Variants in MCAM observed in about 807,000 individuals in gnomAD.
The protein encoded by MCAM is cell surface glycoprotein MUC18.
MCAM carries 55 observed loss-of-function variants against 79.1 expected under a neutral mutation model. The ratio of observed to expected loss-of-function variants is 0.70; its 90% CI spans 0.56 to 0.87. The LOEUF (loss-of-function observed/expected upper bound fraction) is 0.87. Ranked by LOEUF, MCAM falls within the 40% of genes least tolerant of loss-of-function variation. MCAM has a pLI of 0.00. For synonymous variants in MCAM, 330 were observed against 339.8 expected (o/e 0.97, Z 0.32); for missense variants, 745 against 839.8 (o/e 0.89, Z 1.40).
Position 119,315,265 on chromosome 11 carries a change from TG to T in MCAM, c.68-3del. On this transcript the variant is annotated splice_polypyrimidine_tract_variant and splice_region_variant and intron_variant, in intron 1 of 15. Coordinates refer to ENST00000264036, the MANE Select transcript of MCAM (RefSeq NM_006500.3). The surrounding 1 kb of genome is among the most constrained non-coding windows in gnomAD (Gnocchi z 4.4). Reference sequence around the variant, plus strand: ...GCTGCTCAGCCTCTCCGGGCACACCTGGGGGAGGGAGGCGGGGCCCCCGCAG... The same window carrying T: ...GCTGCTCAGCCTCTCCGGGCACACCTGGGGAGGGAGGCGGGGCCCCCGCAG... 2 of 1,607,280 alleles carry T rather than the reference TG, an allele frequency of 1.2e-6. No homozygotes were observed. The highest frequency in any genetic ancestry group is 1.7e-6 in the Non-Finnish European group (2 of 1,178,828).
At chr11:119,310,314 T>C (rs1950211668) in intron 15 of MCAM, 35 bp downstream of exon 15, 1 of 1,349,258 alleles carries the variant, frequency 7.4e-7, no homozygotes, top group Non-Finnish European at 1.1e-6. Flanking sequence ...TCCCTGAGGA[T>C]GTGGCAGGCT....
chr11:119,314,198 C>T (rs1009017054), intron 5 of MCAM: 1 of 466,778 alleles, frequency 2.1e-6, no homozygotes, highest in African/African-American at 2.0e-5. Flanking sequence ...CTCTGTCACC[C>T]AGGCCGGAGT....
chr11:119,315,436 C>T lies in MCAM; in HGVS notation c.68-173G>A. The T allele has an allele frequency of 1.3e-6, 1 of 751,210 alleles. No individual in the cohort carries two copies. The allele number at this position is 751,210 out of a possible 1,614,324, so 46.5% of individuals were successfully genotyped here. ...CCCGCGCCCCACCTGGGCCAGCCCT[C>T]TCCCCGTCCAGGAGATCCCAGGTCC... On this transcript the variant is annotated intron_variant, in intron 1 of 15. Coordinates refer to ENST00000264036, the MANE Select transcript of MCAM (RefSeq NM_006500.3). The surrounding 1 kb of genome is among the most constrained non-coding windows in gnomAD (Gnocchi z 4.4).
rs544584284 is a variant in MCAM at position 119,311,666 on chromosome 11, G to A, written c.1286-15C>T. 6.2e-7 allele frequency: 1 copy of A among 1,613,832 alleles called. No individual in the cohort carries two copies. The highest frequency in any genetic ancestry group is 1.7e-5 in the Admixed American group (1 of 60,004). Reference sequence around the variant, plus strand: ...CCAAGGGGGGCCTTGGGGAGGTAGGGAGAGGTGAGGTGGCAAGCCCAGCTA... The same window carrying A: ...CCAAGGGGGGCCTTGGGGAGGTAGGAAGAGGTGAGGTGGCAAGCCCAGCTA... On this transcript the variant is annotated splice_polypyrimidine_tract_variant and intron_variant, in intron 10 of 15. Transcript: ENST00000264036. The surrounding 1 kb of genome is among the most constrained non-coding windows in gnomAD (Gnocchi z 4.4).
Position 119,312,290 on chromosome 11 carries a change from C to T in MCAM, c.1000G>A (p.Glu334Lys), listed in dbSNP as rs748225145. 4 of 1,614,130 alleles carry T rather than the reference C, an allele frequency of 2.5e-6. No homozygotes were observed. The South Asian group carries it at 4.4e-5, about 18-fold the overall frequency. Residue 334 changes from glutamate to lysine, a missense_variant, in exon 8 of 16, where the codon GAA becomes AAA. Physicochemically the swap from Glu to Lys is moderately conservative, Grantham distance 56. Coordinates refer to ENST00000264036, the MANE Select transcript of MCAM (RefSeq NM_006500.3). This position sits in a 1 kb window ranked among gnomAD's most constrained non-coding sequence, Gnocchi z 4.9. ...CAGTTCACCAGTAGTTCCTGTGGTT[C>T]ACTCAGCAGCGATATCATGGTGTCC... is the stretch of plus-strand genomic sequence containing the variant. ...DLDTMISLLS[E>K]PQELLVNYVS...
At position 119,316,242 on chromosome 11, in the gene MCAM, C is replaced by G. The variant is rs1413499565; in HGVS notation, c.67+793G>C. 3 of 152,314 alleles carry G rather than the reference C, an allele frequency of 2.0e-5. No individual in the cohort carries two copies. The highest frequency in any genetic ancestry group is 2.0e-4 in the Admixed American group (3 of 15,294). 9.4% of individuals were successfully genotyped at this position (152,314 alleles called of 1,614,324 possible). On this transcript the variant is annotated intron_variant, in intron 1 of 15. Transcript: ENST00000264036. This position sits in a 1 kb window ranked among gnomAD's most constrained non-coding sequence, Gnocchi z 4.8. ...CTAGCCCTCCCCTTCCCCAGCCGGA[C>G]AGCGGCTGGGACGGCGGAATGGGAG... is the stretch of plus-strand genomic sequence containing the variant.
chr11:119,314,961 C>T lies in MCAM; in HGVS notation c.272G>A (p.Arg91Gln). ...GQSEPGEYEQ[R>Q]LSLQDRGATL... ...AGCCCCTCTGTCCTGGAGGCTGAGC[C>T]GCTGCTCGTACTCCCCAGGTTCGCT... Residue 91 changes from arginine to glutamine, a missense_variant, in exon 3 of 16, where the codon CGG (arginine) becomes CAG (glutamine). Coordinates refer to ENST00000264036, the MANE Select transcript of MCAM (RefSeq NM_006500.3). 1 of 1,612,260 alleles carries T rather than the reference C, an allele frequency of 6.2e-7. No individual in the cohort carries two copies. The highest frequency in any genetic ancestry group is 1.3e-5 in the African/African-American group (1 of 75,040).
In MCAM at chr11:119,309,664, C is replaced by A; in HGVS notation, c.*222G>T. On this transcript the variant is annotated 3_prime_UTR_variant, in exon 16 of 16. Coordinates refer to ENST00000264036, the MANE Select transcript of MCAM (RefSeq NM_006500.3). Reference sequence around the variant, plus strand: ...GGCTCCTTGCTTGGGATGAGCTTCACTCAACGTGGAGGAGATGGTGGTGGA... The same window carrying A: ...GGCTCCTTGCTTGGGATGAGCTTCAATCAACGTGGAGGAGATGGTGGTGGA... 1 of 472,294 alleles carries A rather than the reference C, an allele frequency of 2.1e-6. No homozygotes were observed. The highest frequency in any genetic ancestry group is 3.6e-6 in the Non-Finnish European group (1 of 280,086). The allele number at this position is 472,294 out of a possible 1,614,324, so 29.3% of individuals were successfully genotyped here.
At chr11:119,313,389 A>C (rs1266802169) in intron 5 of MCAM, 1 of 1,151,976 alleles carries the variant, frequency 8.7e-7, no homozygotes. Flanking sequence ...TCTCAGCACT[A>C]CTGATAATTT....
intron 15 of MCAM, chr11:119,310,125 A>G (rs1226265759): frequency 6.4e-6 from 4 of 625,346 alleles, no homozygotes; most frequent in Admixed American, 5.5e-5. Context: ...AGCCACGGGC[A>G]TTGGTCAGGA....
In MCAM at chr11:119,315,381, T is replaced by C; in HGVS notation, c.68-118A>G. On this transcript the variant is annotated intron_variant, in intron 1 of 15. Coordinates refer to ENST00000264036, the MANE Select transcript of MCAM (RefSeq NM_006500.3). The surrounding 1 kb of genome is among the most constrained non-coding windows in gnomAD (Gnocchi z 4.4). ...CACTCAGAGGGTCTGCAGAGGGCCC[T>C]GTCCTCTGAACGCTCTACCCCCACC... 2 of 1,316,700 alleles carry C rather than the reference T, an allele frequency of 1.5e-6. No individual in the cohort carries two copies. The highest frequency in any genetic ancestry group is 1.4e-5 in the South Asian group (1 of 71,496). The allele number at this position is 1,316,700 out of a possible 1,614,324, so 81.6% of individuals were successfully genotyped here. A position where few individuals can be genotyped will look rare whatever the true frequency, so the allele number is the denominator to read the frequency against.
At position 119,311,969 on chromosome 11, in the gene MCAM, A is replaced by T; in HGVS notation, c.1144-20T>A. 1 of 1,613,136 alleles carries T rather than the reference A, an allele frequency of 6.2e-7. No individual in the cohort carries two copies. The highest frequency in any genetic ancestry group is 2.2e-5 in the East Asian group (1 of 44,872). On this transcript the variant is annotated intron_variant, in intron 9 of 15. Coordinates refer to ENST00000264036, the MANE Select transcript of MCAM (RefSeq NM_006500.3). This position sits in a 1 kb window ranked among gnomAD's most constrained non-coding sequence, Gnocchi z 4.4. ...GCCTGTCTGGGATGAGAGATGGGTCAGAGGGTCTGGGAAAGAGCACATTCT... is the reference window on the plus strand; with the variant it reads ...GCCTGTCTGGGATGAGAGATGGGTCTGAGGGTCTGGGAAAGAGCACATTCT...
Position 119,312,705 on chromosome 11 carries a change from G to T in MCAM, c.740-57C>A. On this transcript the variant is annotated intron_variant, in intron 6 of 15. Transcript: ENST00000264036. The surrounding 1 kb of genome is among the most constrained non-coding windows in gnomAD (Gnocchi z 4.9). ...ATGAGTCAACCCTGGGCTGGATAAG[G>T]GGGAGCCAGCAGGAGTTTCCAGCAG... 1 of 1,613,660 alleles carries T rather than the reference G, an allele frequency of 6.2e-7. No individual in the cohort carries two copies. Among genetic ancestry groups the T allele is most frequent in the Non-Finnish European group, 8.5e-7 (1 of 1,179,654 alleles).
At position 119,317,015 on chromosome 11, in the gene MCAM, C is replaced by T; in HGVS notation, c.67+20G>A. 6.5e-7 allele frequency: 1 copy of T among 1,527,320 alleles called. No individual in the cohort carries two copies. The highest frequency in any genetic ancestry group is 8.8e-7 in the Non-Finnish European group (1 of 1,141,744). The allele number at this position is 1,527,320 out of a possible 1,614,324, so 94.6% of individuals were successfully genotyped here. Reference sequence around the variant, plus strand: ...CGCAGACCCCTAGCCGGGGCGCGGCCCCCCTGCGAGCGAACTCACCCGCGA... The same window carrying T: ...CGCAGACCCCTAGCCGGGGCGCGGCTCCCCTGCGAGCGAACTCACCCGCGA... On this transcript the variant is annotated intron_variant, in intron 1 of 15. Transcript: ENST00000264036. The surrounding 1 kb of genome is among the most constrained non-coding windows in gnomAD (Gnocchi z 6.2).
At position 119,316,923 on chromosome 11, in the gene MCAM, C is replaced by A; in HGVS notation, c.67+112G>T. 1 of 885,264 alleles carries A rather than the reference C, an allele frequency of 1.1e-6. No homozygotes were observed. Among genetic ancestry groups the A allele is most frequent in the South Asian group, 1.7e-5 (1 of 58,562 alleles). The allele number at this position is 885,264 out of a possible 1,614,324, so 54.8% of individuals were successfully genotyped here. ...GGGGATCGGGGACCCAGGGAGGAGGCTCGTCCTCCCAGACGCAACGCCCCG... is the reference window on the plus strand; with the variant it reads ...GGGGATCGGGGACCCAGGGAGGAGGATCGTCCTCCCAGACGCAACGCCCCG... On this transcript the variant is annotated intron_variant, in intron 1 of 15. Transcript: ENST00000264036. This position sits in a 1 kb window ranked among gnomAD's most constrained non-coding sequence, Gnocchi z 4.8.
Position 119,310,402 on chromosome 11 carries a change from C to T in MCAM, c.1858G>A (p.Glu620Lys), listed in dbSNP as rs1407229378. The T allele has an allele frequency of 1.5e-5, 25 of 1,614,046 alleles. No homozygotes were observed. Among genetic ancestry groups the T allele is most frequent in the Non-Finnish European group, 1.9e-5 (23 of 1,180,006 alleles). The change falls in exon 15 of 16, where the codon GAG becomes AAG. Residue 620 changes from glutamate (E) to lysine (K), a missense_variant. Coordinates refer to ENST00000264036, the MANE Select transcript of MCAM (RefSeq NM_006500.3). ...VEVKSDKLPEEMGLLQGSSGD... is the reference protein window; with the variant it reads ...VEVKSDKLPEKMGLLQGSSGD... ...CTGCTGCCCTGCAGGAGGCCCATCT[C>T]TTCTGGGAGCTTATCTGACTTAACT... is the stretch of plus-strand genomic sequence containing the variant.
At position 119,316,829 on chromosome 11, in the gene MCAM, T is replaced by G. The variant is rs958820476; in HGVS notation, c.67+206A>C. Reference sequence around the variant, plus strand: ...CTCCTCCCCGCCTTCCGAGTGCTGCTCCCGGGATACTCTAGAATCCCGGCT... The same window carrying G: ...CTCCTCCCCGCCTTCCGAGTGCTGCGCCCGGGATACTCTAGAATCCCGGCT... On this transcript the variant is annotated intron_variant, in intron 1 of 15. Transcript: ENST00000264036. The surrounding 1 kb of genome is among the most constrained non-coding windows in gnomAD (Gnocchi z 4.8). 5.1e-5 allele frequency: 27 copies of G among 526,422 alleles called. No homozygotes were observed. In the African/African-American group the frequency reaches 5.2e-4, roughly 10 times the overall value. 32.6% of individuals were successfully genotyped at this position (526,422 alleles called of 1,614,324 possible). A position where few individuals can be genotyped will look rare whatever the true frequency, so the allele number is the denominator to read the frequency against.
rs957522850 is a variant in MCAM, at chr11:119,315,673, G to C, written c.68-410C>G. Reference sequence around the variant, plus strand: ...GGCCCTTTTGTGTCACCACCGCCAGGGGAAGACACCACTGCTCTATCCTCT... The same window carrying C: ...GGCCCTTTTGTGTCACCACCGCCAGCGGAAGACACCACTGCTCTATCCTCT... On this transcript the variant is annotated intron_variant, in intron 1 of 15. Transcript: ENST00000264036. The surrounding 1 kb of genome is among the most constrained non-coding windows in gnomAD (Gnocchi z 4.4). 9 of 226,450 alleles carry C rather than the reference G, an allele frequency of 4.0e-5. No individual in the cohort carries two copies. Among genetic ancestry groups the C allele is most frequent in the Non-Finnish European group, 8.1e-5 (9 of 110,594 alleles). The allele number at this position is 226,450 out of a possible 1,614,324, so 14.0% of individuals were successfully genotyped here.
In MCAM at chr11:119,311,905, G is replaced by A; in HGVS notation, c.1188C>T (p.Asp396=). Residue 396 remains aspartate (D), a synonymous_variant, in exon 10 of 16, where the codon GAC becomes GAT. Coordinates refer to ENST00000264036, the MANE Select transcript of MCAM (RefSeq NM_006500.3). This position sits in a 1 kb window ranked among gnomAD's most constrained non-coding sequence, Gnocchi z 4.4. ...LERGPVLQLH[D]LKREAGGGYR... ...AGCCGCCTCCTGCCTCCCGTTTCAG[G>A]TCATGCAACTGAAGCACAGGCCCCC... 1.2e-6 allele frequency: 2 copies of A among 1,614,042 alleles called. No individual in the cohort carries two copies. The highest frequency in any genetic ancestry group is 1.7e-6 in the Non-Finnish European group (2 of 1,180,012).
Sources: allele counts gnomAD v4.1 joint callset, GRCh38; gene constraint gnomAD v4.1.1; non-coding constraint Gnocchi (gnomAD v3.1); transcripts MANE v1.5; gene names NCBI Gene and HGNC (gene_info 2026-07-23, HGNC 2026-07-21).